The following IKBKB variants were observed in gnomAD, a reference collection of about 807,000 sequenced individuals.
The protein encoded by IKBKB is inhibitor of nuclear factor kappa B kinase subunit beta, also known as inhibitor of nuclear factor kappa-B kinase subunit beta.
Under a neutral mutation model 113.6 loss-of-function variants are expected in IKBKB, and 42 were observed. That is an observed-to-expected ratio of 0.37 (90% CI 0.29 to 0.48). The LOEUF (loss-of-function observed/expected upper bound fraction) is 0.48. Ranked by LOEUF, IKBKB falls within the 20% of genes least tolerant of loss-of-function variation. IKBKB has a pLI of 0.99. For missense variants in IKBKB, 673 were observed against 939.7 expected (o/e 0.72, Z 3.71); for synonymous variants, 296 against 361.3 (o/e 0.82, Z 2.05).
intron 5 of IKBKB, among the ~76,000 whole-genome samples, chr8:42,295,596 G>A (rs745538375): frequency 1.3e-5 from 2 of 152,152 alleles, no homozygotes; most frequent in African/African-American, 4.8e-5. Flanking sequence ...ATGGTGACGG[G>A]CGCCTGTAAT....
rs762696791 is a variant in IKBKB at position 42,330,983 on chromosome 8, G to C, written c.*4G>C. The C allele has an allele frequency of 7.4e-6, 12 of 1,613,634 alleles. No homozygotes were observed. The South Asian group carries it at 8.8e-5, about 12-fold the overall frequency. Reference sequence around the variant, plus strand: ...CTGCCTGGAGCAGGCCTCATGATGTGGGGGGACTCGACCCCCTGACATGGG... The same window carrying C: ...CTGCCTGGAGCAGGCCTCATGATGTCGGGGGACTCGACCCCCTGACATGGG... On this transcript the variant is annotated 3_prime_UTR_variant, in exon 22 of 22. Coordinates refer to ENST00000520810, the MANE Select transcript of IKBKB (RefSeq NM_001556.3).
intron 8 of IKBKB, among the ~76,000 whole-genome samples, chr8:42,311,475 C>T (rs1055003791): frequency 2.0e-5 from 3 of 148,460 alleles, no homozygotes; most frequent in South Asian, 2.1e-4. Flanking sequence ...ACAGGAGAAT[C>T]GCTGGAACCC....
At chr8:42,319,536 G>T in intron 14 of IKBKB, 49 bp from the exon 15 acceptor site, 1 of 1,578,244 alleles carries the variant, frequency 6.3e-7, no homozygotes, top group East Asian at 2.2e-5. Context: ...CAGTTTTGTG[G>T]TGTTTTTATT....
chr8:42,330,828 A>G (rs1235826437), intron 21 of IKBKB, 86 bp from the exon 22 acceptor site: 12 of 1,605,700 alleles, frequency 7.5e-6, no homozygotes, highest in Admixed American at 1.7e-5. Flanking sequence ...ATATTTCTCA[A>G]TTGTCCTGAT....
chr8:42,322,573 C>A, intron 19 of IKBKB, 79 bp downstream of exon 19: 1 of 1,454,952 alleles, frequency 6.9e-7, no homozygotes. Flanking sequence ...GCCGCCATCC[C>A]ACACGGGACA....
At position 42,316,429 on chromosome 8, in the gene IKBKB, GCTGACCTAGT is replaced by G; in HGVS notation, c.930+91_930+100del. ...TAGGACAGAGCAGGGGATGGGGCCA[GCTGACCTAGT>G]GAGGAAATTTAGGCTCCTGCATCAG... On this transcript the variant is annotated intron_variant, in intron 10 of 21. Transcript: ENST00000520810. This position sits in a 1 kb window ranked among gnomAD's most constrained non-coding sequence, Gnocchi z 4.5. 6.7e-7 allele frequency: 1 copy of G among 1,499,786 alleles called. No individual in the cohort carries two copies. The highest frequency in any genetic ancestry group is 2.3e-5 in the East Asian group (1 of 43,950). The allele number at this position is 1,499,786 out of a possible 1,614,324, so 92.9% of individuals were successfully genotyped here. A position where few individuals can be genotyped will look rare whatever the true frequency, so the allele number is the denominator to read the frequency against.
rs1317351095 is a variant in IKBKB at position 42,319,305 on chromosome 8, A to G, written c.1400A>G (p.Lys467Arg). 3 of 1,614,154 alleles carry G rather than the reference A, an allele frequency of 1.9e-6. No individual in the cohort carries two copies. Among genetic ancestry groups the G allele is most frequent in the Non-Finnish European group, 2.5e-6 (3 of 1,180,014 alleles). The change falls in exon 14 of 22, where the codon AAA becomes AGA. Residue 467 changes from lysine (K) to arginine (R), a missense_variant. Transcript: ENST00000520810. Reference protein sequence around the residue: ...NLLRNNSCLSKMKNSMASMSQ... With the variant: ...NLLRNNSCLSRMKNSMASMSQ... ...CTCCGAAACAACAGCTGCCTCTCCA[A>G]AATGAAGAATTCCATGGCTTCCATG...
At chr8:42,291,086 G>A (rs989699001) in intron 4 of IKBKB, among the ~76,000 whole-genome samples, 1 of 152,198 alleles carries the variant, frequency 6.6e-6, no homozygotes, top group African/African-American at 2.4e-5. Context: ...AGCAGAGCCT[G>A]GGTCCCAGCC....
rs1455916204 is a variant in IKBKB, at chr8:42,314,322, G to C, written c.693G>C (p.Trp231Cys). 6.2e-7 allele frequency: 1 copy of C among 1,606,852 alleles called. No homozygotes were observed. Among genetic ancestry groups the C allele is most frequent in the Admixed American group, 1.7e-5 (1 of 59,976 alleles). ...PFLPNWQPVQWHSKVRQKSEV... is the reference protein window; with the variant it reads ...PFLPNWQPVQCHSKVRQKSEV... ...CACCTAACAAGATTCATATTTGCAG[G>C]CATTCAAAAGTGCGGCAGAAGAGTG... Residue 231 changes from tryptophan (W) to cysteine (C), a missense_variant and splice_region_variant, in exon 9 of 22, where the codon TGG becomes TGC. Around this residue, in one of 2 missense-constraint regions of IKBKB, gnomAD observed 167 missense variants for 301.0 expected, o/e 0.55. Coordinates refer to ENST00000520810, the MANE Select transcript of IKBKB (RefSeq NM_001556.3).
chr8:42,318,419 C>T, intron 12 of IKBKB, 133 bp from the exon 13 acceptor site: 5 of 965,112 alleles, frequency 5.2e-6, no homozygotes, highest in Non-Finnish European at 7.9e-6. Flanking sequence ...AGGCATAACA[C>T]CCTCCAAAGT....
chr8:42,276,027 G>A (rs1809011588), intron 2 of IKBKB, among the ~76,000 whole-genome samples: 1 of 152,154 alleles, frequency 6.6e-6, no homozygotes. Context: ...TTTCAGCAGA[G>A]ACGGGGTTTT....
chr8:42,316,731 G>A lies in IKBKB; in HGVS notation c.952G>A (p.Val318Ile), dbSNP rs773066867. The A allele has an allele frequency of 6.2e-7, 1 of 1,612,948 alleles. No homozygotes were observed. Among genetic ancestry groups the A allele is most frequent in the Admixed American group, 1.7e-5 (1 of 59,972 alleles). ...NLKLVHILNM[V>I]TGTIHTYPVT... ...GCAGCTGGTTCATATCTTGAACATG[G>A]TCACGGGCACCATCCACACCTACCC... The change falls in exon 11 of 22, where the codon GTC (valine) becomes ATC (isoleucine). Residue 318 changes from valine to isoleucine, a missense_variant. Physicochemically the swap from Val to Ile is conservative, Grantham distance 29 (BLOSUM62 3). Transcript: ENST00000520810. This position sits in a 1 kb window ranked among gnomAD's most constrained non-coding sequence, Gnocchi z 4.5.
rs374178093 is a variant in IKBKB at position 42,287,017 on chromosome 8, C to T, written c.106-1617C>T. 4.6e-5 allele frequency among the ~76,000 whole-genome samples: 7 copies of T among 152,284 alleles called. No individual in the cohort carries two copies. The East Asian group carries it at 1.2e-3, about 25-fold the overall frequency. ...AGGATCGGCTCTCAGGCTGGGGCTC[C>T]GGGAGCTGCTGCCTTGGGCAGCTGC... On this transcript the variant is annotated intron_variant, in intron 2 of 21. Coordinates refer to ENST00000520810, the MANE Select transcript of IKBKB (RefSeq NM_001556.3).
chr8:42,318,769 C>T, intron 13 of IKBKB, 94 bp downstream of exon 13: 1 of 1,222,140 alleles, frequency 8.2e-7, no homozygotes, highest in Non-Finnish European at 1.1e-6. Context: ...GACCCAGAAG[C>T]AACCGTTATG....
intron 2 of IKBKB, among the ~76,000 whole-genome samples, chr8:42,286,197 TA>T (rs1811382984): frequency 6.6e-6 from 1 of 152,222 alleles, no homozygotes; most frequent in Non-Finnish European, 1.5e-5. Flanking sequence ...GTGTTGACAG[TA>T]CCTCCTTTCT....
At position 42,331,008 on chromosome 8, in the gene IKBKB, G is replaced by A. The variant is rs1280382141; in HGVS notation, c.*29G>A. 6.2e-7 allele frequency: 1 copy of A among 1,602,218 alleles called. No homozygotes were observed. Among genetic ancestry groups the A allele is most frequent in the Non-Finnish European group, 8.5e-7 (1 of 1,171,634 alleles). On this transcript the variant is annotated 3_prime_UTR_variant, in exon 22 of 22. Transcript: ENST00000520810. ...GGGGGGACTCGACCCCCTGACATGG[G>A]GCAGCCCATAGCAGGCCTTGTGCAG... is the stretch of plus-strand genomic sequence containing the variant.
At chr8:42,319,951 G>T (rs10958711) in intron 15 of IKBKB, 52 of 325,356 alleles carry the variant, frequency 1.6e-4, no homozygotes, top group Non-Finnish European at 2.6e-4. Context: ...GGCATTGGAT[G>T]GATGATCAAC....
intron 2 of IKBKB, among the ~76,000 whole-genome samples, chr8:42,273,255 A>G (rs1808206293): frequency 6.6e-6 from 1 of 151,974 alleles, no homozygotes; most frequent in African/African-American, 2.4e-5. Flanking sequence ...CATCTCTACT[A>G]AAAATACAAA....
Position 42,301,994 on chromosome 8 carries a change from C to T in IKBKB, c.389-3193C>T, listed in dbSNP as rs190122941. 4.4e-3 allele frequency among the ~76,000 whole-genome samples: 669 copies of T among 152,288 alleles called. 4 individuals are homozygous for T. Among genetic ancestry groups the T allele is most frequent in the Non-Finnish European group, 6.4e-3 (436 of 68,026 alleles). The stretch of plus-strand genomic sequence containing the variant: ...CTGCTTTGGAAAAAACTAACCTACA[C>T]TTTTATGTATTACATCCTGATACTC... On this transcript the variant is annotated intron_variant, in intron 5 of 21. Coordinates refer to ENST00000520810, the MANE Select transcript of IKBKB (RefSeq NM_001556.3).
Sources: gnomAD v4.1 joint callset for allele counts (sites outside exome capture counted in the v4.1 genomes callset) on GRCh38, gnomAD v4.1.1 for gene constraint, gnomAD v4.1.1 regional missense constraint, Gnocchi (gnomAD v3.1) non-coding constraint, MANE v1.5 for transcripts, NCBI Gene and HGNC (gene_info 2026-07-23, HGNC 2026-07-21) for gene names.